Variants in DEFB112 observed in about 807,000 individuals in gnomAD.
The protein encoded by DEFB112 is defensin beta 112, also known as beta-defensin 112.
A neutral mutation model predicts 1.1 loss-of-function variants in DEFB112; 2 were observed. The observed-to-expected ratio is 1.85, with a 90% CI of 0.76 to 5.83. The LOEUF is 5.83. Among genes scored for constraint, DEFB112 ranks in the 30% most tolerant of loss-of-function variants. DEFB112 has a pLI of 0.05. For synonymous variants in DEFB112, 40 were observed against 31.2 expected (o/e 1.28, Z -0.93); for missense variants, 120 against 94.4 (o/e 1.27, Z -1.12).
Position 50,043,821 on chromosome 6 carries a change from G to C in DEFB112, c.59-20C>G, listed in dbSNP as rs750113521. On this transcript the variant is annotated intron_variant, in intron 1 of 1. Coordinates refer to ENST00000651554, the MANE Select transcript of DEFB112 (RefSeq NM_001369057.2). ...TTCTGGCTGAAAGAAGGCAAGAACA[G>C]CTGGAATTAGTAATCTAGGTGGGAA... 1.9e-6 allele frequency: 3 copies of C among 1,603,460 alleles called. No homozygotes were observed. Among genetic ancestry groups the C allele is most frequent in the Non-Finnish European group, 2.6e-6 (3 of 1,171,230 alleles).
At chr6:50,048,450 G>C in intron 1 of DEFB112, 1 of 1,107,896 alleles carries the variant, frequency 9.0e-7, no homozygotes, top group Non-Finnish European at 1.4e-6. Flanking sequence ...GACTGAGGTA[G>C]AGAATATACT....
chr6:50,045,929 C>A (rs755685519), intron 1 of DEFB112, among the ~76,000 whole-genome samples: 3 of 152,048 alleles, frequency 2.0e-5, no homozygotes, highest in Non-Finnish European at 4.4e-5. Flanking sequence ...AAAAGACATA[C>A]GTTCAGTGGA....
chr6:50,046,513 G>A (rs1774836939), intron 1 of DEFB112, among the ~76,000 whole-genome samples: 1 of 152,086 alleles, frequency 6.6e-6, no homozygotes. Flanking sequence ...AATTTTGAAT[G>A]TTCTGTTGAA....
chr6:50,049,695 G>A (rs112356724), intron 1 of DEFB112, among the ~76,000 whole-genome samples, 117 bp downstream of exon 1: 2 of 152,134 alleles, frequency 1.3e-5, no homozygotes, highest in East Asian at 3.9e-4. Context: ...TAAATGTAAT[G>A]TAACATGATG....
chr6:50,045,809 A>G (rs1156491943), intron 1 of DEFB112, among the ~76,000 whole-genome samples: 2 of 152,148 alleles, frequency 1.3e-5, no homozygotes, highest in Non-Finnish European at 2.9e-5. Flanking sequence ...GTAAGTATTT[A>G]TGTATCTAAA....
In DEFB112 at chr6:50,043,744, C is replaced by T; in HGVS notation, c.116G>A (p.Gly39Glu). 1 of 1,613,510 alleles carries T rather than the reference C, an allele frequency of 6.2e-7. No homozygotes were observed. Among genetic ancestry groups the T allele is most frequent in the Non-Finnish European group, 8.5e-7 (1 of 1,179,552 alleles). The part of the protein sequence containing the change: ...FSRWKSCTAI[G>E]GRCKNQCDDS... ...ATCACATTGATTTTTACATCGACCT[C>T]CAATCGCTGTACATGACTTCCACCT... The change falls in exon 2 of 2, where the codon GGA becomes GAA. Residue 39 changes from glycine to glutamate, a missense_variant. Gly to Glu is a moderately conservative substitution (Grantham distance 98, BLOSUM62 -2). Coordinates refer to ENST00000651554, the MANE Select transcript of DEFB112 (RefSeq NM_001369057.2).
intron 1 of DEFB112, among the ~76,000 whole-genome samples, chr6:50,049,217 GATTT>G (rs1219154384): frequency 3.3e-5 from 5 of 152,156 alleles, no homozygotes; most frequent in African/African-American, 1.2e-4. Flanking sequence ...AGTTACTACA[GATTT>G]ATTTTAAGGT....
chr6:50,043,802 C>T lies in DEFB112; in HGVS notation c.59-1G>A, dbSNP rs923780116. 2 of 1,612,644 alleles carry T rather than the reference C, an allele frequency of 1.2e-6. No homozygotes were observed. Among genetic ancestry groups the T allele is most frequent in the Admixed American group, 1.7e-5 (1 of 59,952 alleles). ...GTGATATGGTGCCCTTCACTTCTGGCTGAAAGAAGGCAAGAACAGCTGGAA... is the reference window on the plus strand; with the variant it reads ...GTGATATGGTGCCCTTCACTTCTGGTTGAAAGAAGGCAAGAACAGCTGGAA... On this transcript the variant is annotated splice_acceptor_variant, in intron 1 of 1. Coordinates refer to ENST00000651554, the MANE Select transcript of DEFB112 (RefSeq NM_001369057.2). LOFTEE classifies it high-confidence loss of function.
In DEFB112 at chr6:50,046,221, C is replaced by CTCTG. The variant is rs1554165637; in HGVS notation, c.59-2421_59-2420insCAGA. On this transcript the variant is annotated intron_variant, in intron 1 of 1. Coordinates refer to ENST00000651554, the MANE Select transcript of DEFB112 (RefSeq NM_001369057.2). ...TAATTCCATCATGAATTGAGGAGCACTGTGTGTGTGTGTGTGTGTGTGTGT... is the reference window on the plus strand; with the variant it reads ...TAATTCCATCATGAATTGAGGAGCACTCTGTGTGTGTGTGTGTGTGTGTGTGTGT... Among the ~76,000 whole-genome samples the CTCTG allele has an allele frequency of 2.1e-5, 3 of 141,166 alleles. No individual in the cohort carries two copies. The East Asian group carries it at 6.4e-4, about 30-fold the overall frequency. 92.6% of individuals were successfully genotyped at this position (141,166 alleles called of 152,430 possible). A position where few individuals can be genotyped will look rare whatever the true frequency, so the allele number is the denominator to read the frequency against.
chr6:50,046,221 C>CTG (rs3057286), intron 1 of DEFB112, among the ~76,000 whole-genome samples: 28,556 of 140,870 alleles, frequency 0.2, 2,877 homozygotes, highest in Middle Eastern at 0.3. Context: ...TTGAGGAGCA[C>CTG]TGTGTGTGTG....
rs1271803643 is a variant in DEFB112 at position 50,042,562 on chromosome 6, G to C, written c.*1013C>G. Among the ~76,000 whole-genome samples the C allele has an allele frequency of 6.6e-6, 1 of 152,014 alleles. No individual in the cohort carries two copies. Among genetic ancestry groups the C allele is most frequent in the Non-Finnish European group, 1.5e-5 (1 of 67,938 alleles). ...GGCTGCCAGCCAAGGACAAAGCCTA[G>C]AGGACATTCTTTAAGTAATACTTAG... On this transcript the variant is annotated 3_prime_UTR_variant, in exon 2 of 2. Transcript: ENST00000651554.
At chr6:50,045,466 C>T (rs1194296283) in intron 1 of DEFB112, among the ~76,000 whole-genome samples, 2 of 151,870 alleles carry the variant, frequency 1.3e-5, no homozygotes, top group African/African-American at 4.8e-5. Flanking sequence ...ATTTGTATAC[C>T]TCAATTATGC....
At chr6:50,045,507 C>T (rs1353389576) in intron 1 of DEFB112, among the ~76,000 whole-genome samples, 1 of 152,000 alleles carries the variant, frequency 6.6e-6, no homozygotes, top group Non-Finnish European at 1.5e-5. Flanking sequence ...AACATGTATA[C>T]ACATAAAATA....
At chr6:50,048,622 C>T in intron 1 of DEFB112, 4 of 1,613,296 alleles carry the variant, frequency 2.5e-6, no homozygotes, top group Admixed American at 1.7e-5. Context: ...TTTCAAGTTT[C>T]AGTCTACATA....
rs556765576 is a variant in DEFB112, at chr6:50,046,557, C to A, written c.59-2756G>T. Among the ~76,000 whole-genome samples, 3 of 152,104 alleles carry A rather than the reference C, an allele frequency of 2.0e-5. No homozygotes were observed. The East Asian group carries it at 5.8e-4, about 29-fold the overall frequency. On this transcript the variant is annotated intron_variant, in intron 1 of 1. Coordinates refer to ENST00000651554, the MANE Select transcript of DEFB112 (RefSeq NM_001369057.2). ...GGTAGTTTATCGTGGTTTAAATTAG[C>A]ATTTTCTTGATTGCAAGTGAGGATG...
At chr6:50,047,693 T>TAAGTA (rs1774856835) in intron 1 of DEFB112, among the ~76,000 whole-genome samples, 1 of 152,188 alleles carries the variant, frequency 6.6e-6, no homozygotes, top group Non-Finnish European at 1.5e-5. Flanking sequence ...AAGTTCCCAG[T>TAAGTA]CCCTTATCTA....
At chr6:50,044,117 G>T (rs1285140453) in intron 1 of DEFB112, among the ~76,000 whole-genome samples, 1 of 152,000 alleles carries the variant, frequency 6.6e-6, no homozygotes, top group Non-Finnish European at 1.5e-5. Flanking sequence ...TGAGTGGGAC[G>T]ATCTCCATCC....
In DEFB112 at chr6:50,042,761, A is replaced by G. The variant is rs919199003; in HGVS notation, c.*814T>C. Among the ~76,000 whole-genome samples the G allele has an allele frequency of 3.3e-5, 5 of 152,032 alleles. No individual in the cohort carries two copies. Among genetic ancestry groups the G allele is most frequent in the African/African-American group, 1.2e-4 (5 of 41,428 alleles). ...CATCCTTGCCACATAAATCCTGGGT[A>G]TGACAAAAATTTCTATAATAGAAAT... On this transcript the variant is annotated 3_prime_UTR_variant, in exon 2 of 2. Coordinates refer to ENST00000651554, the MANE Select transcript of DEFB112 (RefSeq NM_001369057.2).
intron 1 of DEFB112, among the ~76,000 whole-genome samples, chr6:50,048,906 G>T (rs966886039): frequency 2.0e-5 from 3 of 151,978 alleles, no homozygotes; most frequent in Non-Finnish European, 4.4e-5. Flanking sequence ...ATTAATACAG[G>T]CAAAAGGCTG....
Sources: gnomAD v4.1 joint callset for allele counts (sites outside exome capture counted in the v4.1 genomes callset) on GRCh38, gnomAD v4.1.1 for gene constraint, MANE v1.5 for transcripts, NCBI Gene and HGNC (gene_info 2026-07-23, HGNC 2026-07-21) for gene names.